The following DACH1 variants were observed in gnomAD, a reference collection of about 807,000 sequenced individuals.
DACH1 encodes the protein dachshund homolog 1.
In DACH1, 12 loss-of-function variants were observed where a neutral mutation model predicts 54.2. The ratio of observed to expected loss-of-function variants is 0.22; its 90% CI spans 0.14 to 0.36. DACH1 has a LOEUF of 0.36. DACH1 is among the 10% of genes least tolerant of loss of function. The pLI is 1.00. For synonymous variants in DACH1, 386 were observed against 366.2 expected (o/e 1.05, Z -0.62); for missense variants, 805 against 929.8 (o/e 0.87, Z 1.75).
chr13:71,762,482 G>A (rs1594190494), intron 1 of DACH1, among the ~76,000 whole-genome samples: 1 of 152,056 alleles, frequency 6.6e-6, no homozygotes, highest in African/African-American at 2.4e-5. Flanking sequence ...ATCTAGGTCC[G>A]GCGTGGTGGC....
intron 1 of DACH1, among the ~76,000 whole-genome samples, chr13:71,684,701 T>G (rs1399285381): frequency 6.6e-6 from 1 of 152,160 alleles, no homozygotes; most frequent in Non-Finnish European, 1.5e-5. Context: ...CCAAGGCTAC[T>G]TGACAGAAAT....
At chr13:71,757,036 A>T (rs1885196311) in intron 1 of DACH1, among the ~76,000 whole-genome samples, 1 of 152,212 alleles carries the variant, frequency 6.6e-6, no homozygotes, top group Non-Finnish European at 1.5e-5. Flanking sequence ...TGCATAAAAC[A>T]TGAGAAATAT....
chr13:71,504,800 A>G (rs1400193111), intron 6 of DACH1, among the ~76,000 whole-genome samples: 3 of 152,144 alleles, frequency 2.0e-5, no homozygotes, highest in East Asian at 1.9e-4. Flanking sequence ...TTACTACTTG[A>G]TATTTTTCTA....
chr13:71,816,598 ATATGTGTG>A (rs1197526340), intron 1 of DACH1, among the ~76,000 whole-genome samples: 1 of 99,318 alleles, frequency 1.0e-5, no homozygotes, highest in African/African-American at 3.4e-5. Context: ...ATATACACAC[ATATGTGTG>A]TATATATATA....
chr13:71,750,289 A>G (rs1884868932), intron 1 of DACH1, among the ~76,000 whole-genome samples: 1 of 152,188 alleles, frequency 6.6e-6, no homozygotes, highest in Non-Finnish European at 1.5e-5. Context: ...CCTACCATGC[A>G]ATAATTGCTT....
At chr13:71,488,926 A>G (rs1191372911) in intron 7 of DACH1, 71 bp downstream of exon 7, 1 of 1,466,356 alleles carries the variant, frequency 6.8e-7, no homozygotes, top group African/African-American at 1.4e-5. Flanking sequence ...GGAACAGTAT[A>G]AATTTTGGAA....
rs111359387 is a variant in DACH1 at position 71,807,325 on chromosome 13, A to G, written c.848+58597T>C. 3.9e-5 allele frequency among the ~76,000 whole-genome samples: 6 copies of G among 152,110 alleles called. 1 individual carries two copies. The highest frequency in any genetic ancestry group is 1.4e-4 in the African/African-American group (6 of 41,478). On this transcript the variant is annotated intron_variant, in intron 1 of 10. Coordinates refer to ENST00000613252, the MANE Select transcript of DACH1 (RefSeq NM_080759.6). ...TCAGTACTGTAGTTTCAGTGAGATT[A>G]AAATAAATAGTGGAAGCTTGTGTTT...
intron 1 of DACH1, among the ~76,000 whole-genome samples, chr13:71,786,746 T>C (rs1427311550): frequency 6.6e-6 from 1 of 152,178 alleles, no homozygotes; most frequent in Non-Finnish European, 1.5e-5. Flanking sequence ...TAGAATCCAT[T>C]ATTTCATAAA....
chr13:71,540,638 C>A (rs1593859148), intron 6 of DACH1, among the ~76,000 whole-genome samples: 1 of 151,996 alleles, frequency 6.6e-6, no homozygotes, highest in Admixed American at 6.6e-5. Context: ...TTTTATGGAG[C>A]TTTCATTCCA....
At chr13:71,512,692 T>G (rs1461152625) in intron 6 of DACH1, among the ~76,000 whole-genome samples, 1 of 151,922 alleles carries the variant, frequency 6.6e-6, no homozygotes, top group East Asian at 1.9e-4. Flanking sequence ...TGTTAATGTA[T>G]TCATGTGTAA....
chr13:71,847,352 T>A (rs1295850286), intron 1 of DACH1, among the ~76,000 whole-genome samples: 1 of 152,190 alleles, frequency 6.6e-6, no homozygotes, highest in Non-Finnish European at 1.5e-5. Flanking sequence ...TTCAATAATA[T>A]GCAAACAAAA....
intron 1 of DACH1, among the ~76,000 whole-genome samples, chr13:71,708,323 A>C (rs1277513254): frequency 2.6e-5 from 4 of 152,154 alleles, no homozygotes; most frequent in African/African-American, 4.8e-5. Context: ...TAAGTTTTTC[A>C]CTTCTCAACT....
At chr13:71,454,030 C>T (rs372166973) in intron 10 of DACH1, among the ~76,000 whole-genome samples, 2 of 148,308 alleles carry the variant, frequency 1.3e-5, no homozygotes, top group Admixed American at 1.4e-4. Context: ...AGATGTGCAA[C>T]GTTATATTAA....
chr13:71,701,966 C>A (rs1004781388), intron 1 of DACH1, among the ~76,000 whole-genome samples: 1 of 152,074 alleles, frequency 6.6e-6, no homozygotes, highest in Non-Finnish European at 1.5e-5. Flanking sequence ...CACATGCCTG[C>A]GTGTGCATGG....
chr13:71,811,356 A>G (rs1465428296), intron 1 of DACH1, among the ~76,000 whole-genome samples: 1 of 152,190 alleles, frequency 6.6e-6, no homozygotes, highest in Non-Finnish European at 1.5e-5. Flanking sequence ...CATATTACAG[A>G]TTAAATATTT....
At chr13:71,675,315 C>T (rs1286411617) in intron 2 of DACH1, 8 of 1,599,752 alleles carry the variant, frequency 5.0e-6, no homozygotes, top group African/African-American at 1.3e-5. Context: ...CAGATCTGCG[C>T]TTCCAGAGCG....
chr13:71,598,741 T>C (rs1874289202), intron 3 of DACH1, among the ~76,000 whole-genome samples: 1 of 152,208 alleles, frequency 6.6e-6, no homozygotes, highest in Non-Finnish European at 1.5e-5. Context: ...CTCTTTCAAA[T>C]TGAACTATCA....
Position 71,866,784 on chromosome 13 carries a change from G to C in DACH1, c.-15C>G. The stretch of plus-strand genomic sequence containing the variant: ...GGCACTGCCATGGTCACATATAAGG[G>C]GAAACAGACGGAGGAGAAGCGAGAG... On this transcript the variant is annotated 5_prime_UTR_variant, in exon 1 of 11. Coordinates refer to ENST00000613252, the MANE Select transcript of DACH1 (RefSeq NM_080759.6). 7.6e-7 allele frequency: 1 copy of C among 1,321,584 alleles called. No homozygotes were observed. Among genetic ancestry groups the C allele is most frequent in the East Asian group, 2.8e-5 (1 of 35,524 alleles). The allele number at this position is 1,321,584 out of a possible 1,614,324, so 81.9% of individuals were successfully genotyped here.
intron 8 of DACH1, 23 bp from the exon 9 acceptor site, chr13:71,475,872 T>C: frequency 6.9e-7 from 1 of 1,457,682 alleles, no homozygotes; most frequent in Non-Finnish European, 9.1e-7. Context: ...GTATGCATAT[T>C]ATTATTATTA....
Sources: allele counts gnomAD v4.1 joint callset (sites outside exome capture counted in the v4.1 genomes callset), GRCh38; gene constraint gnomAD v4.1.1; transcripts MANE v1.5; gene names NCBI Gene and HGNC (gene_info 2026-07-23, HGNC 2026-07-21).